MCPH1: variants seen among roughly 807,000 people sequenced by gnomAD.
MCPH1 encodes microcephalin.
MCPH1 carries 104 observed loss-of-function variants against 84.5 expected under a neutral mutation model. That is an observed-to-expected ratio of 1.23 (90% CI 1.05 to 1.45). The LOEUF (loss-of-function observed/expected upper bound fraction) is 1.45. MCPH1 is among the 40% of genes most tolerant of loss of function. The pLI is 0.00. For missense variants in MCPH1, 1,498 were observed against 1,005.7 expected (o/e 1.49, Z -6.62); for synonymous variants, 514 against 366.8 (o/e 1.40, Z -4.58).
chr8:6,408,083 A>T (rs930910079), intron 1 of MCPH1, among the ~76,000 whole-genome samples: 3 of 152,244 alleles, frequency 2.0e-5, no homozygotes, highest in Non-Finnish European at 4.4e-5. Flanking sequence ...TACAGAAAAT[A>T]GGTTTCTGCA....
chr8:6,503,095 G>C (rs760950491), intron 12 of MCPH1: 7 of 1,614,038 alleles, frequency 4.3e-6, no homozygotes, highest in Middle Eastern at 3.3e-4. Context: ...AGGTGGACTG[G>C]GATGTTTAGA....
At chr8:6,556,432 C>A (rs151203616) in intron 12 of MCPH1, among the ~76,000 whole-genome samples, 1 of 151,982 alleles carries the variant, frequency 6.6e-6, no homozygotes, top group Non-Finnish European at 1.5e-5. Flanking sequence ...CGTGTAGTGA[C>A]CAAGGACTTA....
intron 13 of MCPH1, among the ~76,000 whole-genome samples, chr8:6,633,687 A>T (rs1249462188): frequency 6.6e-6 from 1 of 152,108 alleles, no homozygotes; most frequent in East Asian, 1.9e-4. Context: ...CCACACAAGC[A>T]CGCCCACAAT....
At position 6,446,634 on chromosome 8, in the gene MCPH1, TAATATAAA is replaced by T. The variant is rs1279267112; in HGVS notation, c.1825+1089_1825+1096del. 3.1e-6 allele frequency: 3 copies of T among 980,976 alleles called. No individual in the cohort carries two copies. In the Admixed American group the frequency reaches 1.8e-4, roughly 60 times the overall value. The allele number at this position is 980,976 out of a possible 1,614,324, so 60.8% of individuals were successfully genotyped here. A position where few individuals can be genotyped will look rare whatever the true frequency, so the allele number is the denominator to read the frequency against. ...TATTTTAAAATGTTGACTCAAAAGT[TAATATAAA>T]ACAATAGATGTGTAAAATTCTTTGG... On this transcript the variant is annotated intron_variant, in intron 8 of 13. Transcript: ENST00000344683.
chr8:6,463,308 C>A (rs1302653851), intron 9 of MCPH1, among the ~76,000 whole-genome samples: 2 of 152,142 alleles, frequency 1.3e-5, no homozygotes, highest in Non-Finnish European at 2.9e-5. Context: ...TCCTCATCTC[C>A]AGTATCATTA....
intron 13 of MCPH1, chr8:6,626,148 T>C (rs1202984330): frequency 1.0e-6 from 1 of 985,260 alleles, no homozygotes; most frequent in East Asian, 1.1e-4. Flanking sequence ...AGAATTTCTT[T>C]CGACCTCAGC....
chr8:6,477,498 T>G, intron 9 of MCPH1, 96 bp from the exon 10 acceptor site: 3 of 1,129,240 alleles, frequency 2.7e-6, no homozygotes, highest in Non-Finnish European at 4.0e-6. Flanking sequence ...TTAAGTGATG[T>G]AACTTTTCAA....
At chr8:6,480,390 A>G (rs1369917287) in intron 10 of MCPH1, among the ~76,000 whole-genome samples, 1 of 151,776 alleles carries the variant, frequency 6.6e-6, no homozygotes, top group East Asian at 2.0e-4. Flanking sequence ...AAGTGCCGGG[A>G]TTACAGGTGT....
intron 12 of MCPH1, among the ~76,000 whole-genome samples, chr8:6,549,848 G>C (rs141696956): frequency 6.5e-4 from 99 of 152,308 alleles, no homozygotes; most frequent in African/African-American, 2.1e-3. Flanking sequence ...CTCAAGATTT[G>C]TGAATTTTAT....
chr8:6,640,733 T>A (rs1797888142), intron 13 of MCPH1, among the ~76,000 whole-genome samples: 1 of 152,222 alleles, frequency 6.6e-6, no homozygotes, highest in Non-Finnish European at 1.5e-5. Flanking sequence ...CCCTTGTGGT[T>A]TTGCTTAGAA....
At chr8:6,493,348 T>C (rs975711826) in intron 11 of MCPH1, among the ~76,000 whole-genome samples, 4 of 152,204 alleles carry the variant, frequency 2.6e-5, no homozygotes, top group African/African-American at 9.7e-5. Context: ...AATGTTTGTG[T>C]TCAATTGAGG....
chr8:6,493,062 G>A (rs1810831959), intron 11 of MCPH1, among the ~76,000 whole-genome samples: 1 of 152,156 alleles, frequency 6.6e-6, no homozygotes, highest in Non-Finnish European at 1.5e-5. Context: ...GTGAAGTGAT[G>A]TTTCTGCTGT....
chr8:6,548,292 C>T (rs967992407), intron 12 of MCPH1, among the ~76,000 whole-genome samples: 4 of 152,078 alleles, frequency 2.6e-5, no homozygotes, highest in African/African-American at 9.7e-5. Flanking sequence ...GTAGACCTGA[C>T]AGGACTCTAC....
intron 12 of MCPH1, among the ~76,000 whole-genome samples, chr8:6,562,012 C>A (rs1825615239): frequency 6.6e-6 from 1 of 152,180 alleles, no homozygotes; most frequent in African/African-American, 2.4e-5. Context: ...TGCTGAATAC[C>A]TCTGGGACGC....
At chr8:6,451,503 T>C (rs575486870) in intron 8 of MCPH1, among the ~76,000 whole-genome samples, 115 of 152,314 alleles carry the variant, frequency 7.6e-4, no homozygotes, top group African/African-American at 2.6e-3. Context: ...AAAATTGATA[T>C]TGGAATGACC....
chr8:6,621,774 C>T lies in MCPH1; in HGVS notation c.2452+83C>T. The T allele has an allele frequency of 2.5e-6, 4 of 1,581,120 alleles. No homozygotes were observed. In the South Asian group the frequency reaches 3.3e-5, roughly 13 times the overall value. On this transcript the variant is annotated intron_variant, in intron 13 of 13. Coordinates refer to ENST00000344683, the MANE Select transcript of MCPH1 (RefSeq NM_024596.5). ...AGGGAGGGCGGCGTCAGGCTCACAC[C>T]CCCTTCCACGCAGCTGGGGCACCTG... is the stretch of plus-strand genomic sequence containing the variant.
intron 9 of MCPH1, among the ~76,000 whole-genome samples, chr8:6,472,457 C>T (rs973517033): frequency 6.6e-6 from 1 of 151,954 alleles, no homozygotes; most frequent in Non-Finnish European, 1.5e-5. Flanking sequence ...GAATCTTAGA[C>T]AGTTTTTTGT....
At chr8:6,595,899 TG>T (rs1413682244) in intron 12 of MCPH1, among the ~76,000 whole-genome samples, 1 of 152,242 alleles carries the variant, frequency 6.6e-6, no homozygotes, top group African/African-American at 2.4e-5. Flanking sequence ...TGCAACCATT[TG>T]TTTTCAGTTT....
rs151023359 is a variant in MCPH1 at position 6,600,415 on chromosome 8, C to T, written c.2215-21039C>T. On this transcript the variant is annotated intron_variant, in intron 12 of 13. Transcript: ENST00000344683. ...GTATTCCTGTGGGAGTGACAGTGTC[C>T]ATCTTTGACATTTAAGAGCCTGCTC... Among the ~76,000 whole-genome samples, 17 of 152,284 alleles carry T rather than the reference C, an allele frequency of 1.1e-4. No individual in the cohort carries two copies. The East Asian group carries it at 3.3e-3, about 29-fold the overall frequency.
Sources: gnomAD v4.1 joint callset for allele counts (sites outside exome capture counted in the v4.1 genomes callset) on GRCh38, gnomAD v4.1.1 for gene constraint, MANE v1.5 for transcripts, NCBI Gene and HGNC (gene_info 2026-07-23, HGNC 2026-07-21) for gene names.